The following JPH3 variants were observed in gnomAD, a reference collection of about 807,000 sequenced individuals.
JPH3 encodes junctophilin-3.
JPH3 carries 11 observed loss-of-function variants against 59.6 expected under a neutral mutation model. That is an observed-to-expected ratio of 0.18 (90% CI 0.12 to 0.31). The LOEUF (loss-of-function observed/expected upper bound fraction) is 0.31. Among genes scored for constraint, JPH3 ranks in the 10% least tolerant of loss-of-function variants. The pLI is 1.00. For missense variants in JPH3, 1,202 were observed against 1,105.7 expected (o/e 1.09, Z -1.24); for synonymous variants, 673 against 483.6 (o/e 1.39, Z -5.14).
intron 1 of JPH3, 134 bp from the exon 2 acceptor site, chr16:87,644,124 C>A: frequency 1.1e-6 from 1 of 949,770 alleles, no homozygotes; most frequent in Admixed American, 2.6e-5. Context: ...GGCAACACAG[C>A]GAGAACCTGT....
At chr16:87,682,109 C>G (rs371551136) in intron 2 of JPH3, among the ~76,000 whole-genome samples, 1 of 152,194 alleles carries the variant, frequency 6.6e-6, no homozygotes, top group African/African-American at 2.4e-5. Context: ...GTTTGGAGCA[C>G]TCTCTGGCTC....
chr16:87,668,908 C>G (rs1055962864), intron 2 of JPH3, among the ~76,000 whole-genome samples: 1 of 152,156 alleles, frequency 6.6e-6, no homozygotes, highest in Non-Finnish European at 1.5e-5. Context: ...GGAGGCCGTG[C>G]TCCGTGGATC....
chr16:87,618,018 C>T (rs920888048), intron 1 of JPH3, among the ~76,000 whole-genome samples: 1 of 151,972 alleles, frequency 6.6e-6, no homozygotes, highest in African/African-American at 2.4e-5. Flanking sequence ...CAAAAATTAG[C>T]TGGGGCATGG....
chr16:87,669,426 C>G lies in JPH3; in HGVS notation c.1161-14716C>G, dbSNP rs139006035. Among the ~76,000 whole-genome samples the G allele has an allele frequency of 3.9e-5, 6 of 152,356 alleles. No individual in the cohort carries two copies. In the East Asian group the frequency reaches 1.2e-3, roughly 29 times the overall value. Reference sequence around the variant, plus strand: ...TGTCTCACAGGAGGGAAGAGCAGGTCTCTGCAACACACGCCTGGGGTTCCG... The same window carrying G: ...TGTCTCACAGGAGGGAAGAGCAGGTGTCTGCAACACACGCCTGGGGTTCCG... On this transcript the variant is annotated intron_variant, in intron 2 of 4. Transcript: ENST00000284262.
At chr16:87,608,228 G>A (rs886469339) in intron 1 of JPH3, among the ~76,000 whole-genome samples, 1 of 152,244 alleles carries the variant, frequency 6.6e-6, no homozygotes, top group East Asian at 1.9e-4. Context: ...GTGTGGGGGT[G>A]GGGGCAGGAG....
intron 1 of JPH3, among the ~76,000 whole-genome samples, chr16:87,628,864 G>A (rs183897563): frequency 6.6e-6 from 1 of 152,186 alleles, no homozygotes; most frequent in Admixed American, 6.5e-5. Context: ...CACTCCCAAT[G>A]TTCATTGGGA....
At chr16:87,604,193 C>G in intron 1 of JPH3, 1 of 1,411,316 alleles carries the variant, frequency 7.1e-7, no homozygotes, top group East Asian at 3.9e-5. Flanking sequence ...GTGGCTGCAT[C>G]GTTTTCACCA....
In JPH3 at chr16:87,604,422, G is replaced by T. The variant is rs893120273; in HGVS notation, c.382+894G>T. 186 of 1,396,156 alleles carry T rather than the reference G, an allele frequency of 1.3e-4. 3 individuals carry two copies. In the Admixed American group the frequency reaches 3.9e-3, roughly 29 times the overall value. 86.5% of individuals were successfully genotyped at this position (1,396,156 alleles called of 1,614,324 possible). On this transcript the variant is annotated intron_variant, in intron 1 of 4. Coordinates refer to ENST00000284262, the MANE Select transcript of JPH3 (RefSeq NM_020655.4). ...ATCCACTCCTCAGTGCACCTGACACGCATGGAGCCGGTCCTTTCCTGGAAG... is the reference window on the plus strand; with the variant it reads ...ATCCACTCCTCAGTGCACCTGACACTCATGGAGCCGGTCCTTTCCTGGAAG...
At chr16:87,614,054 C>T (rs2030840908) in intron 1 of JPH3, among the ~76,000 whole-genome samples, 1 of 152,220 alleles carries the variant, frequency 6.6e-6, no homozygotes, top group African/African-American at 2.4e-5. Flanking sequence ...GGGAGGGGCC[C>T]TGCCCCAGGT....
In JPH3 at chr16:87,644,181, C is replaced by T. The variant is rs1369543266; in HGVS notation, c.383-77C>T. The stretch of plus-strand genomic sequence containing the variant: ...GGAAGCTCAGACAGGACTGTGGCTG[C>T]TTCAACCCTGTCCGTGGCCAGGCTG... On this transcript the variant is annotated intron_variant, in intron 1 of 4. Transcript: ENST00000284262. The T allele has an allele frequency of 6.9e-6, 10 of 1,450,572 alleles. No individual in the cohort carries two copies. In the Admixed American group the frequency reaches 8.3e-5, roughly 12 times the overall value. The allele number at this position is 1,450,572 out of a possible 1,614,324, so 89.9% of individuals were successfully genotyped here. A position where few individuals can be genotyped will look rare whatever the true frequency, so the allele number is the denominator to read the frequency against.
At chr16:87,668,070 C>G (rs543294793) in intron 2 of JPH3, among the ~76,000 whole-genome samples, 58 of 152,350 alleles carry the variant, frequency 3.8e-4, no homozygotes, top group African/African-American at 1.3e-3. Flanking sequence ...CCCGCATCCT[C>G]TGACTACCGT....
intron 1 of JPH3, among the ~76,000 whole-genome samples, chr16:87,623,752 C>T (rs982019168): frequency 6.6e-6 from 1 of 152,206 alleles, no homozygotes; most frequent in Non-Finnish European, 1.5e-5. Context: ...AACGCATGGG[C>T]CACAAGGACC....
chr16:87,620,187 C>T (rs765777517), intron 1 of JPH3, among the ~76,000 whole-genome samples: 25 of 151,972 alleles, frequency 1.6e-4, no homozygotes, highest in Non-Finnish European at 2.1e-4. Context: ...GGGATCCCAG[C>T]GCAGGCTGAG....
chr16:87,686,881 G>A (rs2033432167), intron 3 of JPH3, among the ~76,000 whole-genome samples: 1 of 152,200 alleles, frequency 6.6e-6, no homozygotes, highest in African/African-American at 2.4e-5. Context: ...CTGCCTCACT[G>A]GTGGGAGTCC....
At chr16:87,685,158 CCT>C (rs1301312168) in intron 3 of JPH3, among the ~76,000 whole-genome samples, 6 of 152,186 alleles carry the variant, frequency 3.9e-5, no homozygotes, top group African/African-American at 1.2e-4. Flanking sequence ...TGGGCGCTCC[CCT>C]GACTGGAACG....
chr16:87,614,432 G>T (rs2030863719), intron 1 of JPH3, among the ~76,000 whole-genome samples: 1 of 149,884 alleles, frequency 6.7e-6, no homozygotes, highest in Admixed American at 6.6e-5. Context: ...CCTGTTCACA[G>T]GAGGAGCTGT....
At chr16:87,676,015 C>T (rs1157010480) in intron 2 of JPH3, among the ~76,000 whole-genome samples, 2 of 152,230 alleles carry the variant, frequency 1.3e-5, no homozygotes, top group Non-Finnish European at 2.9e-5. Context: ...GGGAGGGCAG[C>T]TGATGGATAT....
At chr16:87,616,410 T>C (rs911616915) in intron 1 of JPH3, among the ~76,000 whole-genome samples, 3 of 81,410 alleles carry the variant, frequency 3.7e-5, no homozygotes, top group Admixed American at 2.4e-4. Flanking sequence ...AGTTTTTGTA[T>C]TTTTTTTTTT....
At chr16:87,644,165 G>C in intron 1 of JPH3, 93 bp from the exon 2 acceptor site, 1 of 1,325,176 alleles carries the variant, frequency 7.5e-7, no homozygotes, top group Non-Finnish European at 1.0e-6. Context: ...AGGAAGCTCA[G>C]ACAGGACTGT....
Sources: gnomAD v4.1 joint callset for allele counts (sites outside exome capture counted in the v4.1 genomes callset) on GRCh38, gnomAD v4.1.1 for gene constraint, MANE v1.5 for transcripts, NCBI Gene and HGNC (gene_info 2026-07-23, HGNC 2026-07-21) for gene names.